The following ADAMTS17 variants were observed in gnomAD, a reference collection of about 807,000 sequenced individuals.
ADAMTS17 encodes the protein A disintegrin and metalloproteinase with thrombospondin motifs 17.
Under a neutral mutation model 141.5 loss-of-function variants are expected in ADAMTS17, and 113 were observed. The observed-to-expected ratio is 0.80, with a 90% CI of 0.69 to 0.93. The LOEUF (loss-of-function observed/expected upper bound fraction) is 0.93. Ranked by LOEUF, ADAMTS17 falls within the 40% of genes least tolerant of loss-of-function variation. The probability of loss-of-function intolerance (pLI) is 0.00; values close to 1 mark genes in which losing one functional copy is unlikely to be tolerated. For synonymous variants in ADAMTS17, 768 were observed against 630.6 expected (o/e 1.22, Z -3.27); for missense variants, 1,659 against 1,517.9 (o/e 1.09, Z -1.54).
chr15:100,035,802 A>G (rs962314404), intron 18 of ADAMTS17, among the ~76,000 whole-genome samples: 1 of 152,140 alleles, frequency 6.6e-6, no homozygotes, highest in African/African-American at 2.4e-5. Context: ...TCCTGCAAGA[A>G]CCTGGGAGTA....
chr15:100,314,962 G>A (rs1479415648), intron 3 of ADAMTS17, among the ~76,000 whole-genome samples: 1 of 152,220 alleles, frequency 6.6e-6, no homozygotes, highest in Non-Finnish European at 1.5e-5. Flanking sequence ...TTTATAAACC[G>A]GGAACTGAAG....
At chr15:100,336,754 A>G (rs1029462892) in intron 2 of ADAMTS17, among the ~76,000 whole-genome samples, 1 of 152,286 alleles carries the variant, frequency 6.6e-6, no homozygotes, top group Admixed American at 6.5e-5. Context: ...TAAATCAATC[A>G]ATCGAAAGGG....
rs775472558 is a variant in ADAMTS17, at chr15:100,261,525, C to T, written c.985G>A (p.Gly329Arg). 16 of 1,614,060 alleles carry T rather than the reference C, an allele frequency of 9.9e-6. No individual in the cohort carries two copies. The highest frequency in any genetic ancestry group is 8.0e-5 in the African/African-American group (6 of 74,918). ...TCCACCAGGGGCGGGTCGTCCTTCC[C>T]GCCGGGAACCTGGTTATTGCCGAGG... Reference protein sequence around the residue: ...RYLGNNQVPGGKDDPPLVDAA... With the variant: ...RYLGNNQVPGRKDDPPLVDAA... The change falls in exon 6 of 22, where the codon GGG becomes AGG. Residue 329 changes from glycine to arginine, a missense_variant. Physicochemically the swap from Gly to Arg is moderately radical, Grantham distance 125. Transcript: ENST00000268070.
chr15:100,043,719 A>C (rs1042258843), intron 18 of ADAMTS17, among the ~76,000 whole-genome samples: 71 of 152,260 alleles, frequency 4.7e-4, no homozygotes, highest in African/African-American at 1.7e-3. Context: ...GAAGGCAAAA[A>C]TATTTATTCT....
intron 14 of ADAMTS17, among the ~76,000 whole-genome samples, chr15:100,096,682 C>T (rs576206712): frequency 2.0e-5 from 3 of 149,300 alleles, no homozygotes; most frequent in East Asian, 2.0e-4. Context: ...TCTTTATACC[C>T]GCATAGCTGT....
chr15:99,998,644 C>G (rs1384496418), intron 18 of ADAMTS17, among the ~76,000 whole-genome samples: 1 of 152,152 alleles, frequency 6.6e-6, no homozygotes, highest in East Asian at 1.9e-4. Flanking sequence ...AGGTCCCTGC[C>G]TGATAGCCTG....
chr15:100,065,751 T>A (rs756840036), intron 15 of ADAMTS17, among the ~76,000 whole-genome samples: 9 of 152,216 alleles, frequency 5.9e-5, no homozygotes, highest in Non-Finnish European at 1.2e-4. Flanking sequence ...ATGTGCTGAA[T>A]GTGCAGGTTT....
intron 20 of ADAMTS17, among the ~76,000 whole-genome samples, chr15:99,985,897 C>T (rs1363335743): frequency 6.6e-6 from 1 of 152,246 alleles, no homozygotes; most frequent in East Asian, 1.9e-4. Flanking sequence ...CACCCACCCC[C>T]AGCTGTGGCT....
intron 3 of ADAMTS17, among the ~76,000 whole-genome samples, chr15:100,296,392 T>C (rs2044813153): frequency 6.6e-6 from 1 of 152,092 alleles, no homozygotes; most frequent in Non-Finnish European, 1.5e-5. Context: ...TCCAACATCC[T>C]TGAAGCATAA....
At chr15:99,986,277 G>T (rs1380972520) in intron 20 of ADAMTS17, among the ~76,000 whole-genome samples, 1 of 152,252 alleles carries the variant, frequency 6.6e-6, no homozygotes, top group African/African-American at 2.4e-5. Context: ...TTAAGGTCAT[G>T]GAACTCAAGC....
intron 3 of ADAMTS17, among the ~76,000 whole-genome samples, chr15:100,322,128 C>T (rs1003180941): frequency 6.6e-6 from 1 of 152,042 alleles, no homozygotes; most frequent in Non-Finnish European, 1.5e-5. Context: ...GGAGTCAACA[C>T]TTGGAAGACA....
At chr15:100,298,040 T>TG (rs1243238075) in intron 3 of ADAMTS17, among the ~76,000 whole-genome samples, 2 of 148,118 alleles carry the variant, frequency 1.4e-5, no homozygotes, top group East Asian at 2.0e-4. Context: ...GGTGTGGGGG[T>TG]GGGGGGTCTC....
chr15:100,182,393 G>A (rs752593270), intron 8 of ADAMTS17, among the ~76,000 whole-genome samples: 8 of 152,174 alleles, frequency 5.3e-5, no homozygotes, highest in Non-Finnish European at 1.0e-4. Flanking sequence ...AATTTGAAAT[G>A]AGATTTGGGT....
intron 15 of ADAMTS17, among the ~76,000 whole-genome samples, chr15:100,070,116 A>G (rs2033861321): frequency 6.7e-6 from 1 of 150,364 alleles, no homozygotes; most frequent in South Asian, 2.1e-4. Context: ...AACAGACTTT[A>G]ATCCAACAAA....
At chr15:100,160,860 G>A (rs2039659581) in intron 8 of ADAMTS17, among the ~76,000 whole-genome samples, 1 of 152,218 alleles carries the variant, frequency 6.6e-6, no homozygotes, top group Non-Finnish European at 1.5e-5. Flanking sequence ...AGACCGGGAG[G>A]AGCCTTGATA....
At chr15:100,086,425 T>C (rs2035104817) in intron 15 of ADAMTS17, among the ~76,000 whole-genome samples, 3 of 151,714 alleles carry the variant, frequency 2.0e-5, no homozygotes, top group Admixed American at 6.6e-5. Flanking sequence ...CTGTCAACAT[T>C]AGACAGATCA....
In ADAMTS17 at chr15:100,200,605, G is replaced by A. The variant is rs569309947; in HGVS notation, c.1076-1182C>T. Among the ~76,000 whole-genome samples, 5 of 152,310 alleles carry A rather than the reference G, an allele frequency of 3.3e-5. No individual in the cohort carries two copies. In the East Asian group the frequency reaches 5.8e-4, roughly 18 times the overall value. Reference sequence around the variant, plus strand: ...ATATGCCCCTGTGTGACACGCAAGCGGATGGTGGCATGGGGTGGCTATAGG... The same window carrying A: ...ATATGCCCCTGTGTGACACGCAAGCAGATGGTGGCATGGGGTGGCTATAGG... On this transcript the variant is annotated intron_variant, in intron 7 of 21. Transcript: ENST00000268070.
intron 20 of ADAMTS17, among the ~76,000 whole-genome samples, chr15:99,988,557 C>G (rs2060634302): frequency 6.6e-6 from 1 of 152,228 alleles, no homozygotes; most frequent in Non-Finnish European, 1.5e-5. Flanking sequence ...CAAGATGTCA[C>G]AGAGGCCCTC....
At position 99,974,617 on chromosome 15, in the gene ADAMTS17, G is replaced by C. The variant is rs557893586; in HGVS notation, c.3128-55C>G. 1.5e-4 allele frequency: 236 copies of C among 1,608,976 alleles called. No homozygotes were observed. The African/African-American group carries it at 3.0e-3, about 20-fold the overall frequency. The stretch of plus-strand genomic sequence containing the variant: ...GTCAGGGATGGCCTAGGCATGTCCT[G>C]ATGCAGGCACAGGGAGGGCTTGTGG... On this transcript the variant is annotated intron_variant, in intron 21 of 21. Transcript: ENST00000268070.
Sources: allele counts gnomAD v4.1 joint callset (sites outside exome capture counted in the v4.1 genomes callset), GRCh38; gene constraint gnomAD v4.1.1; transcripts MANE v1.5; gene names NCBI Gene and HGNC (gene_info 2026-07-23, HGNC 2026-07-21).